Variants in CYTH3 observed in about 807,000 individuals in gnomAD.
The protein encoded by CYTH3 is cytohesin 3.
In CYTH3, 23 loss-of-function variants were observed where a neutral mutation model predicts 55.1. The observed-to-expected ratio is 0.42, with a 90% CI of 0.30 to 0.59. The LOEUF (loss-of-function observed/expected upper bound fraction) is 0.59, where lower values mean the gene tolerates loss of function less well. CYTH3 is among the 20% of genes least tolerant of loss of function. The pLI, the probability that CYTH3 is intolerant of heterozygous loss-of-function variation, is 0.20. For synonymous variants in CYTH3, 249 were observed against 194.9 expected, an observed-to-expected ratio of 1.28 and a Z score of -2.31; for missense variants, 413 against 524.8, an observed-to-expected ratio of 0.79 and a Z score of 2.08.
intron 4 of CYTH3, among the ~76,000 whole-genome samples, chr7:6,181,871 G>A (rs1783512098): frequency 6.6e-6 from 1 of 152,064 alleles, no homozygotes; most frequent in African/African-American, 2.4e-5. Flanking sequence ...ATGCTCAAGT[G>A]ATGATGTGAC....
At position 6,259,782 on chromosome 7, in the gene CYTH3, ATAATATATATATATAT is replaced by A. The variant is rs1562417658; in HGVS notation, c.34+12676_34+12691del. 1.5e-3 allele frequency among the ~76,000 whole-genome samples: 33 copies of A among 22,444 alleles called. 1 individual carries two copies. The highest frequency in any genetic ancestry group is 1.8e-3 in the Non-Finnish European group (31 of 17,662). 14.7% of individuals were successfully genotyped at this position (22,444 alleles called of 152,430 possible). A position where few individuals can be genotyped will look rare whatever the true frequency, so the allele number is the denominator to read the frequency against. On this transcript the variant is annotated intron_variant, in intron 1 of 12. Coordinates refer to ENST00000350796, the MANE Select transcript of CYTH3 (RefSeq NM_004227.4). Reference sequence around the variant, plus strand: ...TTATATATATATATATTATATATATATAATATATATATATATATATATATATATATAATATATATAT... The same window carrying A: ...TTATATATATATATATTATATATATAATATATATATATATAATATATATAT...
chr7:6,272,260 C>T (rs10255885), intron 1 of CYTH3, among the ~76,000 whole-genome samples: 22,812 of 151,538 alleles, frequency 0.15, 5,216 homozygotes, highest in African/African-American at 0.5. Flanking sequence ...TCGCCAGCGC[C>T]GAACGGCGAC....
At chr7:6,196,418 C>T (rs1405613113) in intron 1 of CYTH3, among the ~76,000 whole-genome samples, 1 of 151,384 alleles carries the variant, frequency 6.6e-6, no homozygotes, top group Non-Finnish European at 1.5e-5. Context: ...AAAACTATTA[C>T]TCTTACGCAT....
intron 1 of CYTH3, among the ~76,000 whole-genome samples, chr7:6,204,049 GAA>G (rs113345169): frequency 2.6e-5 from 3 of 116,120 alleles, no homozygotes; most frequent in African/African-American, 3.1e-5. Flanking sequence ...GTTCACAATA[GAA>G]AAAAAAAAAA....
intron 1 of CYTH3, among the ~76,000 whole-genome samples, chr7:6,253,008 C>G (rs1391153950): frequency 2.0e-5 from 3 of 152,090 alleles, no homozygotes; most frequent in African/African-American, 7.2e-5. Flanking sequence ...CTTCTGGTTA[C>G]CAACTTAATC....
At position 6,250,325 on chromosome 7, in the gene CYTH3, G is replaced by A. The variant is rs1211487229; in HGVS notation, c.34+22149C>T. Among the ~76,000 whole-genome samples the A allele has an allele frequency of 7.9e-5, 12 of 152,052 alleles. No individual in the cohort carries two copies. The South Asian group carries it at 1.5e-3, about 18-fold the overall frequency. ...TTTGATGTGGTCCTTCAAATAATACGGGTTAAAATAAACTTCAACCTTTTC... is the reference window on the plus strand; with the variant it reads ...TTTGATGTGGTCCTTCAAATAATACAGGTTAAAATAAACTTCAACCTTTTC... On this transcript the variant is annotated intron_variant, in intron 1 of 12. Coordinates refer to ENST00000350796, the MANE Select transcript of CYTH3 (RefSeq NM_004227.4).
intron 1 of CYTH3, among the ~76,000 whole-genome samples, chr7:6,199,874 T>C (rs1160499265): frequency 6.6e-6 from 1 of 152,230 alleles, no homozygotes; most frequent in African/African-American, 2.4e-5. Flanking sequence ...GCACACGTTA[T>C]AAGCTGCTTA....
At chr7:6,172,429 T>C (rs576081721) in intron 6 of CYTH3, among the ~76,000 whole-genome samples, 3 of 151,966 alleles carry the variant, frequency 2.0e-5, no homozygotes, top group African/African-American at 7.2e-5. Context: ...CAGCAAAGCA[T>C]GCACCTGCCC....
Position 6,203,787 on chromosome 7 carries a change from C to T in CYTH3, c.35-13256G>A, listed in dbSNP as rs538876718. ...AGGCTGGAATGCAATGGCCCAATCT[C>T]GGCTCACTGCAAGCTCCGCCTCCTG... On this transcript the variant is annotated intron_variant, in intron 1 of 12. Transcript: ENST00000350796. Among the ~76,000 whole-genome samples the T allele has an allele frequency of 7.4e-4, 112 of 151,894 alleles. 1 individual carries two copies. The highest frequency in any genetic ancestry group is 1.7e-3 in the South Asian group (8 of 4,820).
At chr7:6,200,597 A>C (rs975856289) in intron 1 of CYTH3, among the ~76,000 whole-genome samples, 15 of 152,212 alleles carry the variant, frequency 9.9e-5, no homozygotes, top group African/African-American at 3.4e-4. Context: ...ATTTTTGGTC[A>C]GTTCAGAGAC....
At chr7:6,173,779 A>C in intron 5 of CYTH3, 46 bp from the exon 6 acceptor site, 1 of 1,131,138 alleles carries the variant, frequency 8.8e-7, no homozygotes, top group Non-Finnish European at 1.3e-6. Flanking sequence ...ACATTATCGC[A>C]ATCATTTTAA....
intron 2 of CYTH3, among the ~76,000 whole-genome samples, chr7:6,190,104 T>C (rs751703400): frequency 6.6e-6 from 1 of 152,114 alleles, no homozygotes; most frequent in Non-Finnish European, 1.5e-5. Context: ...CAGTGCACAA[T>C]TTGACAGAGC....
At chr7:6,227,525 A>G (rs143071052) in intron 1 of CYTH3, among the ~76,000 whole-genome samples, 1,998 of 152,340 alleles carry the variant, frequency 0.013, 26 homozygotes, top group Middle Eastern at 0.058. Context: ...GCAGAAACCT[A>G]CAACAAGCAT....
At chr7:6,203,749 C>A (rs957654337) in intron 1 of CYTH3, among the ~76,000 whole-genome samples, 2 of 151,418 alleles carry the variant, frequency 1.3e-5, no homozygotes, top group African/African-American at 4.9e-5. Flanking sequence ...GACAGAGTCT[C>A]GCTCTGTCGC....
chr7:6,180,092 G>T (rs1162791090), intron 4 of CYTH3, among the ~76,000 whole-genome samples: 1 of 152,190 alleles, frequency 6.6e-6, no homozygotes, highest in East Asian at 1.9e-4. Context: ...AGCCAGGTGA[G>T]GCCATCAGCT....
intron 1 of CYTH3, among the ~76,000 whole-genome samples, chr7:6,207,321 C>A (rs1189511253): frequency 6.6e-6 from 1 of 152,004 alleles, no homozygotes; most frequent in African/African-American, 2.4e-5. Context: ...GTCTCTATCT[C>A]CTGACCTCGT....
At chr7:6,269,260 G>A (rs1227480277) in intron 1 of CYTH3, among the ~76,000 whole-genome samples, 1 of 152,168 alleles carries the variant, frequency 6.6e-6, no homozygotes, top group Non-Finnish European at 1.5e-5. Flanking sequence ...ACCCGTAAAT[G>A]TTTGAAACGA....
intron 1 of CYTH3, among the ~76,000 whole-genome samples, chr7:6,193,451 C>T (rs914263059): frequency 6.6e-6 from 1 of 151,910 alleles, no homozygotes; most frequent in Admixed American, 6.5e-5. Context: ...AACTCAAAAC[C>T]TGTCACAACA....
At chr7:6,225,520 A>C (rs940804149) in intron 1 of CYTH3, among the ~76,000 whole-genome samples, 1 of 151,768 alleles carries the variant, frequency 6.6e-6, no homozygotes, top group Admixed American at 6.6e-5. Context: ...TGCTAGGCTA[A>C]TTTTTTGTGT....
Sources: gnomAD v4.1 joint callset for allele counts (sites outside exome capture counted in the v4.1 genomes callset) on GRCh38, gnomAD v4.1.1 for gene constraint, MANE v1.5 for transcripts, NCBI Gene and HGNC (gene_info 2026-07-23, HGNC 2026-07-21) for gene names.